KIAA1217: variants seen among roughly 807,000 people sequenced by gnomAD.
The protein encoded by KIAA1217 is KIAA1217.
Under a neutral mutation model 163.9 loss-of-function variants are expected in KIAA1217, and 88 were observed. That is an observed-to-expected ratio of 0.54 (90% CI 0.45 to 0.64). KIAA1217 has a LOEUF of 0.64. KIAA1217 is among the 30% of genes least tolerant of loss of function. The pLI, the probability that KIAA1217 is intolerant of heterozygous loss-of-function variation, is 0.00. For missense variants in KIAA1217, 2,372 were observed against 2,475.0 expected (o/e 0.96, Z 0.88); for synonymous variants, 903 against 923.1 (o/e 0.98, Z 0.39).
intron 1 of KIAA1217, among the ~76,000 whole-genome samples, chr10:23,981,520 G>A (rs11013825): frequency 0.013 from 2,012 of 152,172 alleles, 43 homozygotes; most frequent in African/African-American, 0.046. Flanking sequence ...ATGTCTATAC[G>A]CAAGTGAGGG....
intron 2 of KIAA1217, among the ~76,000 whole-genome samples, chr10:24,192,873 T>C (rs1055160564): frequency 6.6e-6 from 1 of 152,248 alleles, no homozygotes; most frequent in Non-Finnish European, 1.5e-5. Flanking sequence ...CTCAGACTCC[T>C]GGGCTCAAAC....
intron 3 of KIAA1217, among the ~76,000 whole-genome samples, chr10:24,418,106 A>T (rs553952277): frequency 6.7e-6 from 1 of 150,062 alleles, no homozygotes; most frequent in Non-Finnish European, 1.5e-5. Flanking sequence ...GCCACCACCA[A>T]TAAAAAAAAA....
rs1453982101 is a variant in KIAA1217, at chr10:23,790,580, T to TACATATGTATATATAC, written c.-321+95347_-321+95348insCATATGTATATATACA. Among the ~76,000 whole-genome samples, 356 of 120,774 alleles carry TACATATGTATATATAC rather than the reference T, an allele frequency of 2.9e-3. 83 individuals carry two copies. Among genetic ancestry groups the TACATATGTATATATAC allele is most frequent in the African/African-American group, 0.013 (330 of 25,256 alleles). The allele number at this position is 120,774 out of a possible 152,430, so 79.2% of individuals were successfully genotyped here. A position where few individuals can be genotyped will look rare whatever the true frequency, so the allele number is the denominator to read the frequency against. On this transcript the variant is annotated intron_variant, in intron 1 of 18. Coordinates refer to the KIAA1217 transcript ENST00000376462. ...ATGTACATATGTATATATACATATG[T>TACATATGTATATATAC]ATATGTACATATATACATGTACATA...
chr10:23,949,812 AGTTT>A (rs1269250744), intron 1 of KIAA1217, among the ~76,000 whole-genome samples: 1 of 152,164 alleles, frequency 6.6e-6, no homozygotes, highest in African/African-American at 2.4e-5. Flanking sequence ...TAAATGCTCT[AGTTT>A]GTTTGCTGAA....
intron 3 of KIAA1217, among the ~76,000 whole-genome samples, chr10:24,414,328 G>C (rs1246545224): frequency 1.3e-5 from 2 of 152,202 alleles, no homozygotes; most frequent in Non-Finnish European, 2.9e-5. Context: ...TGCTACTATA[G>C]AAGGTAAAGC....
intron 11 of KIAA1217, among the ~76,000 whole-genome samples, chr10:24,521,280 A>G (rs2071233028): frequency 6.6e-6 from 1 of 151,692 alleles, no homozygotes; most frequent in African/African-American, 2.4e-5. Flanking sequence ...CAGTAAGCCA[A>G]GATCATGCCA....
intron 1 of KIAA1217, among the ~76,000 whole-genome samples, chr10:23,937,222 G>A (rs1345402452): frequency 1.3e-5 from 2 of 152,152 alleles, no homozygotes; most frequent in African/African-American, 4.8e-5. Context: ...TACATATGAT[G>A]TAATTATAGG....
chr10:23,812,804 G>T (rs1042967067), intron 1 of KIAA1217, among the ~76,000 whole-genome samples: 31 of 152,154 alleles, frequency 2.0e-4, no homozygotes, highest in East Asian at 7.7e-4. Flanking sequence ...GTGGTTTTTT[G>T]TGTGTGTGTG....
intron 1 of KIAA1217, among the ~76,000 whole-genome samples, chr10:23,864,870 A>C (rs1378685835): frequency 6.6e-6 from 1 of 152,186 alleles, no homozygotes; most frequent in Non-Finnish European, 1.5e-5. Flanking sequence ...ATCTGAAGGC[A>C]GTCTGGAGGT....
At chr10:24,348,827 C>T (rs1463971745) in intron 2 of KIAA1217, among the ~76,000 whole-genome samples, 3 of 152,146 alleles carry the variant, frequency 2.0e-5, no homozygotes. Flanking sequence ...CAAGTTACTA[C>T]TCCCAAGGGT....
chr10:24,446,393 T>A (rs142249597), intron 5 of KIAA1217, among the ~76,000 whole-genome samples: 1 of 152,010 alleles, frequency 6.6e-6, no homozygotes, highest in African/African-American at 2.4e-5. Context: ...TAAAAATATA[T>A]CCATTAAAAA....
At chr10:24,297,988 C>G (rs368151025) in intron 2 of KIAA1217, among the ~76,000 whole-genome samples, 26 of 151,656 alleles carry the variant, frequency 1.7e-4, no homozygotes, top group Non-Finnish European at 2.8e-4. Flanking sequence ...GAGGCCGTGA[C>G]TTTAGAACAT....
At chr10:23,983,945 T>G (rs1202683803) in intron 1 of KIAA1217, among the ~76,000 whole-genome samples, 1 of 152,178 alleles carries the variant, frequency 6.6e-6, no homozygotes, top group Non-Finnish European at 1.5e-5. Flanking sequence ...ACTGTGTACC[T>G]AATACGTAAT....
intron 1 of KIAA1217, among the ~76,000 whole-genome samples, chr10:23,824,864 G>A (rs1321895825): frequency 6.6e-6 from 1 of 151,434 alleles, no homozygotes; most frequent in Non-Finnish European, 1.5e-5. Context: ...TAATTATCCT[G>A]GCATATTTAC....
chr10:24,177,299 T>TATATATATATATATATATATATA (rs1554894744), intron 2 of KIAA1217, among the ~76,000 whole-genome samples: 3 of 46,912 alleles, frequency 6.4e-5, no homozygotes, highest in Non-Finnish European at 1.2e-4. Flanking sequence ...ATATATATAT[T>TATATATATATATATATATATATA]ACAATTTCTT....
intron 5 of KIAA1217, among the ~76,000 whole-genome samples, chr10:24,449,131 C>G (rs1044373244): frequency 6.6e-6 from 1 of 152,176 alleles, no homozygotes; most frequent in African/African-American, 2.4e-5. Flanking sequence ...AAATGATTAG[C>G]TAGGCAAACA....
intron 2 of KIAA1217, among the ~76,000 whole-genome samples, chr10:24,311,814 G>A (rs772037586): frequency 6.6e-6 from 1 of 152,116 alleles, no homozygotes; most frequent in East Asian, 1.9e-4. Context: ...AAGAAGTGCC[G>A]TTAGAATAGG....
intron 9 of KIAA1217, among the ~76,000 whole-genome samples, chr10:24,511,264 C>G (rs117739671): frequency 6.6e-6 from 1 of 151,416 alleles, no homozygotes; most frequent in Non-Finnish European, 1.5e-5. Context: ...ACAAGGGAAG[C>G]GACCAGATTG....
Position 23,917,988 on chromosome 10 carries a change from A to G in KIAA1217, c.-320-89237A>G, listed in dbSNP as rs199679096. ...CATTTAAATAGGATTCATGTTTACA[A>G]TTGAAAGGCAAGACATTTTTTATCC... On this transcript the variant is annotated intron_variant, in intron 1 of 18. Coordinates refer to the KIAA1217 transcript ENST00000376462. 2.0e-5 allele frequency among the ~76,000 whole-genome samples: 3 copies of G among 152,012 alleles called. No individual in the cohort carries two copies. In the East Asian group the frequency reaches 5.8e-4, roughly 29 times the overall value.
Sources: gnomAD v4.1 joint callset for allele counts (sites outside exome capture counted in the v4.1 genomes callset) on GRCh38, gnomAD v4.1.1 for gene constraint, MANE v1.5 for transcripts, NCBI Gene and HGNC (gene_info 2026-07-23, HGNC 2026-07-21) for gene names.